The following VPS13B variants were observed in gnomAD, a reference collection of about 807,000 sequenced individuals.
The protein encoded by VPS13B is intermembrane lipid transfer protein VPS13B.
In VPS13B, 285 loss-of-function variants were observed where a neutral mutation model predicts 426.4. The observed-to-expected ratio is 0.67, with a 90% CI of 0.61 to 0.74. The LOEUF (loss-of-function observed/expected upper bound fraction) is 0.74, where lower values mean the gene tolerates loss of function less well. VPS13B is among the 30% of genes least tolerant of loss of function. The probability of loss-of-function intolerance (pLI) is 0.00; values close to 1 mark genes in which losing one functional copy is unlikely to be tolerated. For missense variants in VPS13B, 4,537 were observed against 4,782.6 expected, an observed-to-expected ratio of 0.95 and a Z score of 1.51; for synonymous variants, 1,676 against 1,676.4, an observed-to-expected ratio of 1.00 and a Z score of 0.01.
chr8:99,409,840 A>G lies in VPS13B; in HGVS notation c.3082+18136A>G, dbSNP rs554091576. Among the ~76,000 whole-genome samples the G allele has an allele frequency of 3.3e-5, 5 of 152,308 alleles. No individual in the cohort carries two copies. In the East Asian group the frequency reaches 9.6e-4, roughly 29 times the overall value. ...TTTGAGTATTAGCAAAACAACTCCTAGTTGGTCTCTATTTTCACTCTCTTC... is the reference window on the plus strand; with the variant it reads ...TTTGAGTATTAGCAAAACAACTCCTGGTTGGTCTCTATTTTCACTCTCTTC... On this transcript the variant is annotated intron_variant, in intron 21 of 61. Transcript: ENST00000357162.
intron 19 of VPS13B, among the ~76,000 whole-genome samples, chr8:99,340,088 G>C (rs3103708): frequency 0.74 from 112,669 of 152,072 alleles, 42,400 homozygotes; most frequent in South Asian, 0.87. Flanking sequence ...CAAGTATCTT[G>C]TCAGAGCACT....
At chr8:99,189,312 G>A (rs938804061) in intron 16 of VPS13B, among the ~76,000 whole-genome samples, 1 of 152,220 alleles carries the variant, frequency 6.6e-6, no homozygotes, top group African/African-American at 2.4e-5. Context: ...ATACTAGGCT[G>A]TTGTAAACAG....
intron 39 of VPS13B, among the ~76,000 whole-genome samples, chr8:99,743,821 T>C (rs1005273752): frequency 6.6e-6 from 1 of 152,100 alleles, no homozygotes; most frequent in African/African-American, 2.4e-5. Flanking sequence ...ATACAAAAAT[T>C]AATTCAAGAT....
At chr8:99,736,998 T>C (rs956210398) in intron 39 of VPS13B, among the ~76,000 whole-genome samples, 4 of 152,070 alleles carry the variant, frequency 2.6e-5, no homozygotes, top group Non-Finnish European at 5.9e-5. Context: ...TTCTGATTAT[T>C]GAACCTACAA....
intron 23 of VPS13B, among the ~76,000 whole-genome samples, chr8:99,443,074 A>G (rs1817752714): frequency 6.6e-6 from 1 of 152,086 alleles, no homozygotes; most frequent in Admixed American, 6.6e-5. Flanking sequence ...TTGTTTATAC[A>G]AAGTAATTAT....
intron 8 of VPS13B, among the ~76,000 whole-genome samples, chr8:99,131,020 G>A (rs1809765347): frequency 1.3e-5 from 2 of 152,124 alleles, no homozygotes; most frequent in African/African-American, 4.8e-5. Flanking sequence ...AAAAATGTGA[G>A]CTTTGACTTT....
At chr8:99,493,887 A>T (rs1820755855) in intron 25 of VPS13B, among the ~76,000 whole-genome samples, 1 of 152,014 alleles carries the variant, frequency 6.6e-6, no homozygotes, top group South Asian at 2.1e-4. Context: ...TTTAAAGAGA[A>T]CACAGAGAAG....
At chr8:99,720,621 T>C in intron 38 of VPS13B, 69 bp downstream of exon 38, 1 of 1,507,772 alleles carries the variant, frequency 6.6e-7, no homozygotes, top group Non-Finnish European at 9.2e-7. Context: ...GCATGTTGAC[T>C]AAATAAAAAC....
In VPS13B at chr8:99,288,633, A is replaced by G. The variant is rs973426886; in HGVS notation, c.2824+13379A>G. Among the ~76,000 whole-genome samples, 5 of 152,076 alleles carry G rather than the reference A, an allele frequency of 3.3e-5. No homozygotes were observed. The East Asian group carries it at 5.8e-4, about 18-fold the overall frequency. On this transcript the variant is annotated intron_variant, in intron 19 of 61. Transcript: ENST00000357162. ...ACCAAATTTTAAGATATCATAATTT[A>G]CATTTCTCTTTGAATAGTTTTAGTC...
At chr8:99,518,509 A>C (rs1385508562) in intron 29 of VPS13B, among the ~76,000 whole-genome samples, 1 of 152,144 alleles carries the variant, frequency 6.6e-6, no homozygotes, top group Non-Finnish European at 1.5e-5. Flanking sequence ...TTACTGTGAC[A>C]TCCGTATGCT....
chr8:99,458,747 C>A (rs1818660839), intron 23 of VPS13B, among the ~76,000 whole-genome samples: 1 of 152,144 alleles, frequency 6.6e-6, no homozygotes, highest in Non-Finnish European at 1.5e-5. Flanking sequence ...ATATCCTTCG[C>A]CCACTTTTTG....
chr8:99,749,141 A>G (rs1810264979), intron 39 of VPS13B, among the ~76,000 whole-genome samples: 4 of 152,068 alleles, frequency 2.6e-5, no homozygotes, highest in Admixed American at 2.6e-4. Context: ...TATGAGGTAA[A>G]TGAGATATTT....
rs1037322383 is a variant in VPS13B at position 99,770,786 on chromosome 8, C to T, written c.7247+3816C>T. Among the ~76,000 whole-genome samples the T allele has an allele frequency of 1.3e-5, 2 of 152,172 alleles. 1 individual carries two copies. Among genetic ancestry groups the T allele is most frequent in the Non-Finnish European group, 2.9e-5 (2 of 68,024 alleles). On this transcript the variant is annotated intron_variant, in intron 40 of 61. Coordinates refer to ENST00000357162, the MANE Select transcript of VPS13B (RefSeq NM_152564.5). ...CAGAGGACAAAGTAGCTTGTTGGTG[C>T]AGTCCAGAAAGCTCCCTTCCGGAGG...
intron 7 of VPS13B, among the ~76,000 whole-genome samples, chr8:99,116,656 A>G (rs980134078): frequency 1.3e-5 from 2 of 151,224 alleles, no homozygotes; most frequent in Admixed American, 6.6e-5. Flanking sequence ...CTGGTCTCAA[A>G]CTCCTAGGCA....
intron 39 of VPS13B, among the ~76,000 whole-genome samples, chr8:99,757,976 T>C (rs932894848): frequency 6.6e-6 from 1 of 152,232 alleles, no homozygotes; most frequent in Non-Finnish European, 1.5e-5. Context: ...TTCCCATGAC[T>C]CAGTACTAGA....
chr8:99,444,345 C>T (rs1427162802), intron 23 of VPS13B, among the ~76,000 whole-genome samples: 1 of 152,138 alleles, frequency 6.6e-6, no homozygotes, highest in East Asian at 1.9e-4. Context: ...GATCCACCCG[C>T]CTTGGTCTCC....
intron 3 of VPS13B, among the ~76,000 whole-genome samples, chr8:99,053,051 T>G (rs1446730912): frequency 2.0e-5 from 3 of 152,054 alleles, no homozygotes; most frequent in Non-Finnish European, 4.4e-5. Context: ...GCTCTGATCT[T>G]AGTTATTTCT....
At chr8:99,332,859 A>C (rs1273322877) in intron 19 of VPS13B, among the ~76,000 whole-genome samples, 2 of 151,674 alleles carry the variant, frequency 1.3e-5, no homozygotes, top group Admixed American at 6.6e-5. Flanking sequence ...ATAGGAAAGG[A>C]TAAAAAGTTG....
chr8:99,492,640 G>A lies in VPS13B; in HGVS notation c.3871-9047G>A, dbSNP rs555154680. On this transcript the variant is annotated intron_variant, in intron 25 of 61. Coordinates refer to ENST00000357162, the MANE Select transcript of VPS13B (RefSeq NM_152564.5). The stretch of plus-strand genomic sequence containing the variant: ...GATCTCAGACTGCTGCGCTAGCAGT[G>A]AGCAAGCCTCCCTGGGAGTGGGACC... Among the ~76,000 whole-genome samples, 41 of 152,326 alleles carry A rather than the reference G, an allele frequency of 2.7e-4. No homozygotes were observed. The South Asian group carries it at 8.5e-3, about 32-fold the overall frequency.
Sources: allele counts gnomAD v4.1 joint callset (sites outside exome capture counted in the v4.1 genomes callset), GRCh38; gene constraint gnomAD v4.1.1; transcripts MANE v1.5; gene names NCBI Gene and HGNC (gene_info 2026-07-23, HGNC 2026-07-21).